The following SLC7A8 variants were observed in gnomAD, a reference collection of about 807,000 sequenced individuals.
SLC7A8 encodes the protein solute carrier family 7 member 8.
A neutral mutation model predicts 51.2 loss-of-function variants in SLC7A8; 30 were observed. The observed-to-expected ratio is 0.59, with a 90% CI of 0.44 to 0.80. The LOEUF is 0.80. Among genes scored for constraint, SLC7A8 ranks in the 30% least tolerant of loss-of-function variants. The pLI, the probability that SLC7A8 is intolerant of heterozygous loss-of-function variation, is 0.00. For synonymous variants in SLC7A8, 257 were observed against 275.8 expected (o/e 0.93, Z 0.67); for missense variants, 612 against 674.4 (o/e 0.91, Z 1.03).
chr14:23,140,332 C>A (rs189695808), intron 5 of SLC7A8, 139 bp downstream of exon 5: 3 of 917,842 alleles, frequency 3.3e-6, no homozygotes, highest in African/African-American at 1.7e-5. Context: ...AAATGAACTA[C>A]GACTTCAGGA....
At position 23,182,884 on chromosome 14, in the gene SLC7A8, T is replaced by C. The variant is rs759211668; in HGVS notation, c.31A>G (p.Thr11Ala). Reference sequence around the variant, plus strand: ...CCCCCACCTGGGTGTTTCTTTTCGGTGTTGTTTCGGTGCCTGGCTCCTTCT... The same window carrying C: ...CCCCCACCTGGGTGTTTCTTTTCGGCGTTGTTTCGGTGCCTGGCTCCTTCT... MEEGARHRNN[T>A]EKKHPGGGES... The change falls in exon 1 of 11, where the codon ACC (threonine) becomes GCC (alanine). Residue 11 changes from threonine (T) to alanine (A), a missense_variant. Physicochemically the swap from Thr to Ala is moderately conservative, Grantham distance 58. Transcript: ENST00000316902. The C allele has an allele frequency of 1.9e-6, 3 of 1,614,066 alleles. No homozygotes were observed. Among genetic ancestry groups the C allele is most frequent in the Non-Finnish European group, 2.5e-6 (3 of 1,179,982 alleles).
At chr14:23,172,170 G>A (rs1048979897) in intron 1 of SLC7A8, among the ~76,000 whole-genome samples, 1 of 152,174 alleles carries the variant, frequency 6.6e-6, no homozygotes, top group African/African-American at 2.4e-5. Flanking sequence ...TTTGTGAAAC[G>A]CTAACAAATG....
chr14:23,179,399 T>G (rs1419793826), intron 1 of SLC7A8, among the ~76,000 whole-genome samples: 1 of 152,168 alleles, frequency 6.6e-6, no homozygotes, highest in East Asian at 1.9e-4. Flanking sequence ...TCATCCATGT[T>G]GATTGTGAAT....
At chr14:23,144,938 T>C (rs963473414) in intron 3 of SLC7A8, among the ~76,000 whole-genome samples, 3 of 150,944 alleles carry the variant, frequency 2.0e-5, no homozygotes, top group Non-Finnish European at 3.0e-5. Context: ...TTTTTCTTTT[T>C]TTTTTTTTTT....
intron 7 of SLC7A8, among the ~76,000 whole-genome samples, chr14:23,133,069 C>T (rs1239545111): frequency 6.6e-6 from 1 of 152,188 alleles, no homozygotes; most frequent in African/African-American, 2.4e-5. Context: ...AGCCACCACG[C>T]CCAGCCTGCA....
chr14:23,140,364 TG>T, intron 5 of SLC7A8, 106 bp downstream of exon 5: 2 of 1,188,374 alleles, frequency 1.7e-6, no homozygotes, highest in Non-Finnish European at 2.4e-6. Context: ...ACAGTTAGAA[TG>T]GGGCTTTGGA....
At chr14:23,157,131 C>T (rs866605945) in intron 3 of SLC7A8, among the ~76,000 whole-genome samples, 2 of 152,130 alleles carry the variant, frequency 1.3e-5, no homozygotes, top group African/African-American at 4.8e-5. Flanking sequence ...TGAACCACAC[C>T]AATTCAGATG....
chr14:23,126,754 TG>T lies in SLC7A8; in HGVS notation c.*422del. 5.0e-6 allele frequency: 1 copy of T among 201,518 alleles called. No individual in the cohort carries two copies. Among genetic ancestry groups the T allele is most frequent in the Non-Finnish European group, 1.0e-5 (1 of 97,242 alleles). The allele number at this position is 201,518 out of a possible 1,614,324, so 12.5% of individuals were successfully genotyped here. A position where few individuals can be genotyped will look rare whatever the true frequency, so the allele number is the denominator to read the frequency against. ...TGGGTCTCTCCAGCTGACCCCTTGA[TG>T]GGGACAGAATTGCTTGAGCCTGTCC... On this transcript the variant is annotated 3_prime_UTR_variant, in exon 11 of 11. Transcript: ENST00000316902.
chr14:23,131,471 A>AG lies in SLC7A8; in HGVS notation c.1102dup (p.Leu368ProfsTer48), dbSNP rs774656297. The AG allele has an allele frequency of 1.2e-6, 2 of 1,602,124 alleles. No homozygotes were observed. Among genetic ancestry groups the AG allele is most frequent in the Non-Finnish European group, 1.7e-6 (2 of 1,174,476 alleles). On this transcript the variant is annotated frameshift_variant, in exon 8 of 11. Coordinates refer to ENST00000316902, the MANE Select transcript of SLC7A8 (RefSeq NM_012244.4). LOFTEE classifies it high-confidence loss of function. The stretch of plus-strand genomic sequence containing the variant: ...AGGAAGGGCCCTTACTGTGAAGAGC[A>AG]GGGCTGGGATTGGGGTGCAGCGCTT...
intron 3 of SLC7A8, among the ~76,000 whole-genome samples, chr14:23,158,336 C>T (rs1210692716): frequency 3.9e-5 from 6 of 152,294 alleles, no homozygotes; most frequent in Non-Finnish European, 7.4e-5. Context: ...CAGCACCCCT[C>T]GGGGCTCTAG....
At chr14:23,182,076 C>T (rs1281453128) in intron 1 of SLC7A8, among the ~76,000 whole-genome samples, 3 of 152,282 alleles carry the variant, frequency 2.0e-5, no homozygotes, top group East Asian at 1.9e-4. Flanking sequence ...AGAGCTTCAC[C>T]GGGTCCTCCG....
chr14:23,136,912 G>A (rs1453755442), intron 7 of SLC7A8, among the ~76,000 whole-genome samples: 6 of 152,192 alleles, frequency 3.9e-5, no homozygotes, highest in Non-Finnish European at 4.4e-5. Flanking sequence ...ACAGGGTCCC[G>A]GGGTACAGGG....
Position 23,182,931 on chromosome 14 carries a change from G to A in SLC7A8, c.-17C>T, listed in dbSNP as rs758618999. 1.2e-6 allele frequency: 2 copies of A among 1,614,034 alleles called. No homozygotes were observed. The highest frequency in any genetic ancestry group is 8.5e-7 in the Non-Finnish European group (1 of 1,179,980). On this transcript the variant is annotated 5_prime_UTR_variant, in exon 1 of 11. Coordinates refer to ENST00000316902, the MANE Select transcript of SLC7A8 (RefSeq NM_012244.4). ...TTCTTCCATCCTTCTCAGTAGGATT[G>A]CAACCTCAAAAGCTGCCTCCCTTTC...
Position 23,131,451 on chromosome 14 carries a change from G to A in SLC7A8, c.1113+10C>T. 6.4e-7 allele frequency: 1 copy of A among 1,571,296 alleles called. No homozygotes were observed. The highest frequency in any genetic ancestry group is 8.6e-7 in the Non-Finnish European group (1 of 1,158,614). ...GGTGTGTGGAGAGTTACAGCAGGAA[G>A]GGCCCTTACTGTGAAGAGCAGGGCT... On this transcript the variant is annotated intron_variant, in intron 8 of 10. Coordinates refer to ENST00000316902, the MANE Select transcript of SLC7A8 (RefSeq NM_012244.4).
Position 23,129,381 on chromosome 14 carries a change from C to G in SLC7A8, c.1263+269G>C. 4.9e-6 allele frequency: 2 copies of G among 407,692 alleles called. 1 individual carries two copies. The highest frequency in any genetic ancestry group is 7.4e-5 in the South Asian group (2 of 27,194). 25.3% of individuals were successfully genotyped at this position (407,692 alleles called of 1,614,324 possible). A position where few individuals can be genotyped will look rare whatever the true frequency, so the allele number is the denominator to read the frequency against. On this transcript the variant is annotated intron_variant, in intron 9 of 10. Transcript: ENST00000316902. ...TTGAAAAGTCAGCTGGAGTTTAAGG[C>G]TTAGACTGGTAGGAAACAAAGGAAT... is the stretch of plus-strand genomic sequence containing the variant.
In SLC7A8 at chr14:23,151,932, C is replaced by T. The variant is rs1051446711; in HGVS notation, c.509-8728G>A. On this transcript the variant is annotated intron_variant, in intron 3 of 10. Transcript: ENST00000316902. ...CACAAAAATTAGCATGCCTGTAATGCCAGCTATTCGGGAGGCTGAGAATCA... is the reference window on the plus strand; with the variant it reads ...CACAAAAATTAGCATGCCTGTAATGTCAGCTATTCGGGAGGCTGAGAATCA... Among the ~76,000 whole-genome samples, 7 of 151,906 alleles carry T rather than the reference C, an allele frequency of 4.6e-5. No individual in the cohort carries two copies. In the South Asian group the frequency reaches 1.5e-3, roughly 32 times the overall value.
intron 1 of SLC7A8, among the ~76,000 whole-genome samples, chr14:23,170,929 A>G (rs531970728): frequency 2.0e-5 from 3 of 152,066 alleles, no homozygotes; most frequent in East Asian, 3.9e-4. Context: ...GGGTCTCACT[A>G]TGTTGCCCAG....
chr14:23,146,899 G>A (rs1161299630), intron 3 of SLC7A8: 2 of 152,236 alleles, frequency 1.3e-5, no homozygotes, highest in Non-Finnish European at 2.9e-5. Context: ...CCCCGGTCAG[G>A]AGCCCTGCTG....
intron 6 of SLC7A8, chr14:23,138,354 C>A (rs531440467): frequency 3.5e-5 from 9 of 257,564 alleles, no homozygotes; most frequent in Non-Finnish European, 6.0e-5. Flanking sequence ...AGTGGAGGGG[C>A]CAGCATTGGA....
Sources: gnomAD v4.1 joint callset for allele counts (sites outside exome capture counted in the v4.1 genomes callset) on GRCh38, gnomAD v4.1.1 for gene constraint, MANE v1.5 for transcripts, NCBI Gene and HGNC (gene_info 2026-07-23, HGNC 2026-07-21) for gene names.